Variants in SLC10A7 observed in about 807,000 individuals in gnomAD.
SLC10A7 encodes the protein solute carrier family 10 member 7.
In SLC10A7, 29 loss-of-function variants were observed where a neutral mutation model predicts 43.2. The observed-to-expected ratio is 0.67, with a 90% CI of 0.50 to 0.92. The LOEUF is 0.92. SLC10A7 is among the 40% of genes least tolerant of loss of function. The pLI is 0.00. For synonymous variants in SLC10A7, 152 were observed against 144.8 expected (o/e 1.05, Z -0.35); for missense variants, 295 against 403.2 (o/e 0.73, Z 2.30).
intron 4 of SLC10A7, among the ~76,000 whole-genome samples, chr4:146,451,016 T>TA (rs1731534291): frequency 6.8e-6 from 1 of 147,174 alleles, no homozygotes. Flanking sequence ...TACAATATAC[T>TA]AAAGAAAAAA....
intron 4 of SLC10A7, among the ~76,000 whole-genome samples, chr4:146,461,194 T>A (rs552493377): frequency 6.6e-6 from 1 of 152,148 alleles, no homozygotes; most frequent in East Asian, 1.9e-4. Flanking sequence ...AAATAAACTG[T>A]TTTAATTTAA....
At chr4:146,456,575 C>T (rs1277223196) in intron 4 of SLC10A7, among the ~76,000 whole-genome samples, 1 of 151,904 alleles carries the variant, frequency 6.6e-6, no homozygotes, top group East Asian at 1.9e-4. Context: ...CTCAAAGTGC[C>T]ATACTTAACA....
In SLC10A7 at chr4:146,397,550, T is replaced by C. The variant is rs76998643; in HGVS notation, c.435+45233A>G. Among the ~76,000 whole-genome samples, 175 of 152,304 alleles carry C rather than the reference T, an allele frequency of 1.1e-3. 1 individual carries two copies. In the East Asian group the frequency reaches 0.02, roughly 17 times the overall value. On this transcript the variant is annotated intron_variant, in intron 5 of 11. Transcript: ENST00000335472. ...ACGAGGGATAGTTTGCATAGGATTT[T>C]TAGCAGTTGGGGAGCTTGAAGCTTT... is the stretch of plus-strand genomic sequence containing the variant.
At chr4:146,342,866 T>C (rs1321515472) in intron 5 of SLC10A7, among the ~76,000 whole-genome samples, 2 of 151,796 alleles carry the variant, frequency 1.3e-5, no homozygotes, top group Non-Finnish European at 2.9e-5. Context: ...GTTGATTCTA[T>C]ATATTTAAAT....
intron 6 of SLC10A7, among the ~76,000 whole-genome samples, chr4:146,319,444 C>T (rs922566508): frequency 6.6e-6 from 1 of 152,048 alleles, no homozygotes; most frequent in African/African-American, 2.4e-5. Context: ...TAATCTAGTA[C>T]TTCCTATTCC....
intron 5 of SLC10A7, among the ~76,000 whole-genome samples, chr4:146,346,323 T>C (rs1219993809): frequency 1.3e-5 from 2 of 152,116 alleles, no homozygotes; most frequent in Non-Finnish European, 2.9e-5. Context: ...TTATGTTTCA[T>C]TGGTTATAAC....
intron 10 of SLC10A7, among the ~76,000 whole-genome samples, chr4:146,259,979 G>C (rs1417747282): frequency 1.3e-5 from 2 of 152,166 alleles, no homozygotes. Flanking sequence ...AACAAGGAAG[G>C]CTTAGCTTTT....
intron 9 of SLC10A7, among the ~76,000 whole-genome samples, chr4:146,284,442 C>G (rs1187278367): frequency 1.3e-5 from 2 of 152,112 alleles, no homozygotes; most frequent in Non-Finnish European, 2.9e-5. Flanking sequence ...AGAGAAGAGT[C>G]CCCTCAACTC....
At chr4:146,363,203 G>A (rs1005213363) in intron 5 of SLC10A7, among the ~76,000 whole-genome samples, 1 of 152,078 alleles carries the variant, frequency 6.6e-6, no homozygotes, top group South Asian at 2.1e-4. Flanking sequence ...TGAATAAAGA[G>A]CAGGAGTAAC....
At chr4:146,434,982 A>G (rs1465362882) in intron 5 of SLC10A7, among the ~76,000 whole-genome samples, 1 of 149,796 alleles carries the variant, frequency 6.7e-6, no homozygotes, top group Non-Finnish European at 1.5e-5. Context: ...AAATCCAGGA[A>G]TTTTAAGCAA....
At chr4:146,263,199 C>T (rs1234466923) in intron 10 of SLC10A7, among the ~76,000 whole-genome samples, 1 of 152,232 alleles carries the variant, frequency 6.6e-6, no homozygotes, top group African/African-American at 2.4e-5. Context: ...AAGCCATCCT[C>T]AGAGTCCCAA....
intron 7 of SLC10A7, among the ~76,000 whole-genome samples, chr4:146,295,848 A>G (rs1730747421): frequency 6.6e-6 from 1 of 152,166 alleles, no homozygotes; most frequent in South Asian, 2.1e-4. Flanking sequence ...TTAATACACA[A>G]TGGTTAAAAA....
intron 5 of SLC10A7, among the ~76,000 whole-genome samples, chr4:146,395,159 A>G (rs2149809168): frequency 6.6e-6 from 1 of 152,234 alleles, no homozygotes; most frequent in Non-Finnish European, 1.5e-5. Flanking sequence ...GCCTGAGAAC[A>G]GGAGTTTGAG....
chr4:146,482,196 C>A (rs1460724259), intron 4 of SLC10A7, among the ~76,000 whole-genome samples: 3 of 152,034 alleles, frequency 2.0e-5, no homozygotes, highest in African/African-American at 7.2e-5. Context: ...TGCAAAAACA[C>A]AAGACACATG....
intron 5 of SLC10A7, among the ~76,000 whole-genome samples, chr4:146,408,316 G>C (rs751228792): frequency 3.9e-5 from 6 of 152,060 alleles, no homozygotes; most frequent in Non-Finnish European, 7.4e-5. Flanking sequence ...GGGAGGATGA[G>C]GCAGGCAGAT....
chr4:146,374,661 C>CACACAT lies in SLC10A7; in HGVS notation c.436-48666_436-48665insATGTGT, dbSNP rs1553963528. ...ACACACACACACACACACACACACA[C>CACACAT]ATATATATATATTTTCTGGATGTGA... On this transcript the variant is annotated intron_variant, in intron 5 of 11. Coordinates refer to ENST00000335472, the MANE Select transcript of SLC10A7 (RefSeq NM_001029998.6). Among the ~76,000 whole-genome samples, 322 of 100,674 alleles carry CACACAT rather than the reference C, an allele frequency of 3.2e-3. 2 individuals are homozygous for CACACAT. The highest frequency in any genetic ancestry group is 0.03 in the Middle Eastern group (6 of 200). The allele number at this position is 100,674 out of a possible 152,430, so 66.0% of individuals were successfully genotyped here.
chr4:146,333,041 C>A (rs1475909620), intron 5 of SLC10A7, among the ~76,000 whole-genome samples: 1 of 152,032 alleles, frequency 6.6e-6, no homozygotes, highest in African/African-American at 2.4e-5. Context: ...ATTACTGGTG[C>A]CGAGGGGAAA....
intron 4 of SLC10A7, among the ~76,000 whole-genome samples, chr4:146,490,128 G>T (rs948556977): frequency 2.6e-5 from 4 of 151,442 alleles, no homozygotes; most frequent in East Asian, 1.9e-4. Context: ...AAATTATACT[G>T]CCAGTTCTCA....
chr4:146,294,241 C>A (rs1378752513), intron 7 of SLC10A7, 146 bp from the exon 8 acceptor site: 3 of 553,606 alleles, frequency 5.4e-6, no homozygotes, highest in South Asian at 3.5e-5. Context: ...AGCTTCCCTG[C>A]CACACTACTC....
Sources: gnomAD v4.1 joint callset for allele counts (sites outside exome capture counted in the v4.1 genomes callset) on GRCh38, gnomAD v4.1.1 for gene constraint, MANE v1.5 for transcripts, NCBI Gene and HGNC (gene_info 2026-07-23, HGNC 2026-07-21) for gene names.